SV2C: variants seen among roughly 807,000 people sequenced by gnomAD.
The protein encoded by SV2C is synaptic vesicle glycoprotein 2C, also known as solute carrier family 22 member B3.
SV2C carries 49 observed loss-of-function variants against 79.7 expected under a neutral mutation model. That is an observed-to-expected ratio of 0.61 (90% CI 0.49 to 0.78). The LOEUF is 0.78. Ranked by LOEUF, SV2C falls within the 30% of genes least tolerant of loss-of-function variation. SV2C has a pLI of 0.00. For synonymous variants in SV2C, 334 were observed against 333.2 expected, an observed-to-expected ratio of 1.00 and a Z score of -0.03; for missense variants, 833 against 912.9, an observed-to-expected ratio of 0.91 and a Z score of 1.13.
chr5:76,241,105 C>T lies in SV2C; in HGVS notation c.913+31218C>T, dbSNP rs553384462. On this transcript the variant is annotated intron_variant, in intron 4 of 12. Transcript: ENST00000502798. ...CCGAGTAGCTGGGACTACAAGCGCA[C>T]GCCACCACACCCAGCTAATTTTTGT... 7.9e-5 allele frequency among the ~76,000 whole-genome samples: 12 copies of T among 151,950 alleles called. No individual in the cohort carries two copies. In the East Asian group the frequency reaches 1.7e-3, roughly 22 times the overall value.
chr5:75,969,839 G>T, the SV2C span, among the ~76,000 whole-genome samples: 9 of 152,044 alleles, frequency 5.9e-5, no homozygotes, highest in Non-Finnish European at 1.2e-4. Context: ...GACATCTATA[G>T]AACTCTCCAC....
chr5:76,135,809 G>A (rs895887219), intron 2 of SV2C, among the ~76,000 whole-genome samples: 16 of 152,140 alleles, frequency 1.1e-4, no homozygotes, highest in Non-Finnish European at 2.2e-4. Flanking sequence ...CTTAGCTTCT[G>A]TTCAGTGGTT....
the SV2C span, among the ~76,000 whole-genome samples, chr5:75,970,052 A>C: frequency 4.6e-5 from 7 of 152,260 alleles, no homozygotes; most frequent in South Asian, 1.4e-3. Flanking sequence ...TGGAAACTGA[A>C]CAATCTGCTC....
At chr5:76,296,285 T>C (rs1168142853) in intron 9 of SV2C, among the ~76,000 whole-genome samples, 1 of 152,148 alleles carries the variant, frequency 6.6e-6, no homozygotes, top group Non-Finnish European at 1.5e-5. Flanking sequence ...AGACAGGCTA[T>C]AGGATTATTT....
intron 12 of SV2C, among the ~76,000 whole-genome samples, chr5:76,323,339 C>T (rs145454276): frequency 0.024 from 3,674 of 152,306 alleles, 142 homozygotes; most frequent in African/African-American, 0.084. Context: ...CAATGAGATA[C>T]TATCTCATGC....
chr5:76,294,898 T>C (rs1195873954), intron 8 of SV2C, among the ~76,000 whole-genome samples: 1 of 152,188 alleles, frequency 6.6e-6, no homozygotes, highest in East Asian at 1.9e-4. Flanking sequence ...ACTGGCATTC[T>C]ACCCCCAGGA....
At chr5:76,002,463 G>C in the SV2C span, among the ~76,000 whole-genome samples, 1 of 152,120 alleles carries the variant, frequency 6.6e-6, no homozygotes, top group African/African-American at 2.4e-5. Context: ...TCCTTTGGAG[G>C]GTGATAAAAG....
chr5:76,116,032 T>C (rs1342656633), intron 1 of SV2C, among the ~76,000 whole-genome samples: 2 of 152,234 alleles, frequency 1.3e-5, no homozygotes, highest in African/African-American at 2.4e-5. Context: ...CTCAGTCTCC[T>C]ACCTTGGCCA....
chr5:75,911,185 C>A, the SV2C span: 3 of 1,594,590 alleles, frequency 1.9e-6, no homozygotes, highest in African/African-American at 4.0e-5. Flanking sequence ...AGAGCCTCTA[C>A]CAGCCTGCAA....
chr5:76,343,014 G>A (rs544468148), intron 12 of SV2C, among the ~76,000 whole-genome samples: 14 of 151,668 alleles, frequency 9.2e-5, no homozygotes, highest in African/African-American at 1.7e-4. Context: ...GTGAGGCACC[G>A]CACCTGGCCC....
At chr5:76,160,077 A>G (rs1410840943) in intron 2 of SV2C, among the ~76,000 whole-genome samples, 1 of 152,136 alleles carries the variant, frequency 6.6e-6, no homozygotes, top group Non-Finnish European at 1.5e-5. Context: ...AAATAAATGG[A>G]AGGACATTCA....
intron 1 of SV2C, 38 bp from the exon 2 acceptor site, chr5:76,131,612 A>G (rs1049435296): frequency 2.6e-5 from 14 of 539,294 alleles, no homozygotes; most frequent in Non-Finnish European, 4.1e-5. Context: ...ATATATAGAA[A>G]GGAATAATAA....
the SV2C span, among the ~76,000 whole-genome samples, chr5:75,972,485 AAAAC>A: frequency 4.1e-4 from 62 of 152,276 alleles, 1 homozygote; most frequent in Middle Eastern, 0.014. Context: ...TTACAAGAAA[AAAAC>A]AAACAACCCC....
chr5:75,891,347 A>T, the SV2C span, among the ~76,000 whole-genome samples: 1 of 152,118 alleles, frequency 6.6e-6, no homozygotes, highest in African/African-American at 2.4e-5. Flanking sequence ...AACTCTCTTC[A>T]TGTAACTGCC....
the SV2C span, among the ~76,000 whole-genome samples, chr5:75,902,852 G>C: frequency 4.6e-5 from 7 of 152,206 alleles, no homozygotes; most frequent in East Asian, 5.8e-4. Context: ...GTGTGATGTT[G>C]TATTGGGAAG....
At chr5:76,300,674 A>C (rs1747959375) in intron 10 of SV2C, 55 bp from the exon 11 acceptor site, 8 of 1,554,668 alleles carry the variant, frequency 5.1e-6, no homozygotes, top group Non-Finnish European at 7.1e-6. Flanking sequence ...GCTTTCTTAT[A>C]CTGGTGCATG....
intron 4 of SV2C, among the ~76,000 whole-genome samples, chr5:76,232,824 C>A (rs1275302237): frequency 1.4e-5 from 2 of 143,488 alleles, no homozygotes; most frequent in Non-Finnish European, 2.9e-5. Flanking sequence ...CAGTACCATG[C>A]TGTTTTGGTT....
At chr5:76,059,807 C>G in the SV2C span, among the ~76,000 whole-genome samples, 1 of 152,124 alleles carries the variant, frequency 6.6e-6, no homozygotes, top group African/African-American at 2.4e-5. Context: ...TTGCCCAGAA[C>G]TCTCAGAGGA....
In SV2C at chr5:76,254,257, TAG is replaced by T. The variant is rs766602017; in HGVS notation, c.914-30889_914-30888del. 1.8e-3 allele frequency among the ~76,000 whole-genome samples: 265 copies of T among 149,374 alleles called. 3 individuals carry two copies. The highest frequency in any genetic ancestry group is 6.2e-3 in the African/African-American group (252 of 40,350). On this transcript the variant is annotated intron_variant, in intron 4 of 12. Coordinates refer to ENST00000502798, the MANE Select transcript of SV2C (RefSeq NM_014979.4). ...GTGTGTGTGTATATATATATATATA[TAG>T]AGAGAGAGAGAGAGATATTAAAAAT...
Sources: gnomAD v4.1 joint callset for allele counts (sites outside exome capture counted in the v4.1 genomes callset) on GRCh38, gnomAD v4.1.1 for gene constraint, MANE v1.5 for transcripts, NCBI Gene and HGNC (gene_info 2026-07-23, HGNC 2026-07-21) for gene names.